SMG1: variants seen among roughly 807,000 people sequenced by gnomAD.
The protein encoded by SMG1 is SMG1 nonsense mediated mRNA decay associated PI3K related kinase, also known as serine/threonine-protein kinase SMG1.
SMG1 carries 22 observed loss-of-function variants against 419.9 expected under a neutral mutation model. The observed-to-expected ratio is 0.05, with a 90% CI of 0.04 to 0.07. The LOEUF is 0.07. SMG1 is among the 10% of genes least tolerant of loss of function. The pLI, the probability that SMG1 is intolerant of heterozygous loss-of-function variation, is 1.00. For missense variants in SMG1, 3,185 were observed against 4,342.0 expected, an observed-to-expected ratio of 0.73 and a Z score of 7.49; for synonymous variants, 1,538 against 1,553.5, an observed-to-expected ratio of 0.99 and a Z score of 0.23.
At chr16:18,907,213 C>T (rs1261962415) in intron 1 of SMG1, among the ~76,000 whole-genome samples, 1 of 151,292 alleles carries the variant, frequency 6.6e-6, no homozygotes, top group Non-Finnish European at 1.5e-5. Flanking sequence ...ACCCAGGAGG[C>T]GGAGGTTGCA....
rs372553822 is a variant in SMG1, at chr16:18,838,000, T to C, written c.7413+14A>G. 2 of 1,612,448 alleles carry C rather than the reference T, an allele frequency of 1.2e-6. No individual in the cohort carries two copies. Among genetic ancestry groups the C allele is most frequent in the Middle Eastern group, 1.7e-4 (1 of 6,058 alleles). On this transcript the variant is annotated intron_variant, in intron 45 of 62. Coordinates refer to ENST00000446231, the MANE Select transcript of SMG1 (RefSeq NM_015092.5). ...AAAAAGAAGACAATGACTTATTCCG[T>C]CACTGGGCTTCACCTTAATCTCAGC...
intron 49 of SMG1, 123 bp from the exon 50 acceptor site, chr16:18,834,561 C>CA: frequency 1.1e-6 from 1 of 898,290 alleles, no homozygotes; most frequent in Non-Finnish European, 1.7e-6. Flanking sequence ...TAGATGACTT[C>CA]AGGCCAGGAG....
At chr16:18,895,968 G>C (rs2037105762) in intron 3 of SMG1, 84 bp downstream of exon 3, 1 of 1,188,906 alleles carries the variant, frequency 8.4e-7, no homozygotes, top group Admixed American at 1.8e-5. Flanking sequence ...CCTGTGCAAG[G>C]CGTTAGTAAG....
Position 18,847,454 on chromosome 16 carries a change from T to C in SMG1, c.5995A>G (p.Lys1999Glu). Residue 1999 changes from lysine to glutamate, a missense_variant and splice_region_variant, in exon 38 of 63, where the codon AAA (lysine) becomes GAA (glutamate). Lys to Glu is a moderately conservative substitution (Grantham distance 56). Coordinates refer to ENST00000446231, the MANE Select transcript of SMG1 (RefSeq NM_015092.5). ...KRVQNNNTLR[K>E]EEKIAIMREK... ...CAGGACAAGTGTATGGAAACATACT[T>C]GCGTAAGGTGTTGTTGTTCTGGACT... 6.2e-7 allele frequency: 1 copy of C among 1,613,980 alleles called. No individual in the cohort carries two copies. Among genetic ancestry groups the C allele is most frequent in the Non-Finnish European group, 8.5e-7 (1 of 1,179,834 alleles).
chr16:18,843,742 C>A (rs12931397), intron 39 of SMG1, among the ~76,000 whole-genome samples: 14,431 of 152,048 alleles, frequency 0.095, 741 homozygotes, highest in Middle Eastern at 0.17. Context: ...CAAAAACAGG[C>A]GGAAACTAAA....
At chr16:18,840,041 AT>A (rs1262110767) in intron 41 of SMG1, 95 bp from the exon 42 acceptor site, 3 of 977,476 alleles carry the variant, frequency 3.1e-6, no homozygotes, top group South Asian at 3.6e-5. Flanking sequence ...TTTAAAAATG[AT>A]TTTTCAGTAG....
intron 41 of SMG1, 109 bp from the exon 42 acceptor site, chr16:18,840,055 TTC>T: frequency 1.2e-6 from 1 of 826,888 alleles, no homozygotes; most frequent in Non-Finnish European, 1.9e-6. Context: ...TTCAGTAGCA[TTC>T]TCTCATTACT....
In SMG1 at chr16:18,842,458, T is replaced by C. The variant is rs2033978238; in HGVS notation, c.6220-4A>G. The C allele has an allele frequency of 1.2e-6, 2 of 1,610,890 alleles. No homozygotes were observed. The highest frequency in any genetic ancestry group is 1.7e-6 in the Non-Finnish European group (2 of 1,177,642). ...TCTGTTGCAAACTTAGCATTATCTA[T>C]ATTCATAAGATGGGAGAAACAAATT... is the stretch of plus-strand genomic sequence containing the variant. On this transcript the variant is annotated splice_region_variant and splice_polypyrimidine_tract_variant and intron_variant, in intron 39 of 62. Transcript: ENST00000446231.
At position 18,862,309 on chromosome 16, in the gene SMG1, A is replaced by C. The variant is rs534085020; in HGVS notation, c.3695+1341T>G. Among the ~76,000 whole-genome samples, 9 of 152,296 alleles carry C rather than the reference A, an allele frequency of 5.9e-5. No homozygotes were observed. In the South Asian group the frequency reaches 1.0e-3, roughly 18 times the overall value. On this transcript the variant is annotated intron_variant, in intron 25 of 62. Transcript: ENST00000446231. ...TCTTCTATTCTTTCACAAAAATGCT[A>C]AACTAGGATTCTGACCCAGGCCTGC... is the stretch of plus-strand genomic sequence containing the variant.
chr16:18,830,164 C>G (rs375153961), intron 52 of SMG1, 49 bp from the exon 53 acceptor site: 1 of 1,607,888 alleles, frequency 6.2e-7, no homozygotes, highest in Non-Finnish European at 8.5e-7. Flanking sequence ...CTTGACACAA[C>G]TGAACAACTA....
chr16:18,817,515 T>C (rs1433712588), intron 56 of SMG1, 45 bp from the exon 57 acceptor site: 1 of 1,446,380 alleles, frequency 6.9e-7, no homozygotes, highest in African/African-American at 1.4e-5. Context: ...GGGAGGAAGG[T>C]GGGAAAGGGA....
intron 60 of SMG1, among the ~76,000 whole-genome samples, chr16:18,813,929 G>C (rs1466686120): frequency 6.7e-6 from 1 of 150,088 alleles, no homozygotes; most frequent in South Asian, 2.1e-4. Context: ...TACTGGGGAG[G>C]TTGAGGCAGG....
chr16:18,858,683 T>G (rs1301856893), intron 28 of SMG1: 4 of 223,286 alleles, frequency 1.8e-5, no homozygotes, highest in Non-Finnish European at 3.5e-5. Flanking sequence ...TGGTTGAACT[T>G]TACCCCATTT....
At chr16:18,907,933 G>C (rs2037635610) in intron 1 of SMG1, among the ~76,000 whole-genome samples, 1 of 150,464 alleles carries the variant, frequency 6.6e-6, no homozygotes, top group African/African-American at 2.4e-5. Context: ...AGTCCTGGAA[G>C]TACCCTAGAA....
intron 51 of SMG1, among the ~76,000 whole-genome samples, chr16:18,831,305 G>C (rs914120931): frequency 1.3e-5 from 2 of 152,036 alleles, no homozygotes; most frequent in Non-Finnish European, 2.9e-5. Flanking sequence ...GCTGTAAGAT[G>C]GTATGAGATT....
At chr16:18,849,069 C>CAAAAAAAAAAAAA (rs58373081) in intron 36 of SMG1, 148 bp downstream of exon 36, 2 of 110,712 alleles carry the variant, frequency 1.8e-5, no homozygotes, top group African/African-American at 1.5e-4. Flanking sequence ...GACTCCATCT[C>CAAAAAAAAAAAAA]AAAAAAAAAA....
At position 18,901,826 on chromosome 16, in the gene SMG1, T is replaced by G. The variant is rs531653570; in HGVS notation, c.93-4870A>C. 4.0e-3 allele frequency among the ~76,000 whole-genome samples: 607 copies of G among 151,626 alleles called. 3 individuals carry two copies. The highest frequency in any genetic ancestry group is 0.017 in the Middle Eastern group (5 of 294). ...CTGTCTCTACTAAAAATACAAAAAT[T>G]AGCCAGGCATGGTGACGGGCACCTG... On this transcript the variant is annotated intron_variant, in intron 1 of 62. Transcript: ENST00000446231.
chr16:18,925,824 G>A (rs1304107892), intron 1 of SMG1, 126 bp downstream of exon 1: 2 of 681,064 alleles, frequency 2.9e-6, no homozygotes, highest in Non-Finnish European at 4.5e-6. Flanking sequence ...GGAGACCCAG[G>A]AAGCCGCGCC....
At position 18,849,384 on chromosome 16, in the gene SMG1, G is replaced by A. The variant is rs374829108; in HGVS notation, c.5462-6C>T. ...GAAAAGTTGCGGAATAATTCCTTCA[G>A]GACAAGAAGAGAGAAAGACACTTTA... On this transcript the variant is annotated splice_polypyrimidine_tract_variant and splice_region_variant and intron_variant, in intron 35 of 62. Transcript: ENST00000446231. The A allele has an allele frequency of 5.0e-6, 8 of 1,606,126 alleles. No individual in the cohort carries two copies. Among genetic ancestry groups the A allele is most frequent in the African/African-American group, 2.7e-5 (2 of 74,610 alleles).
Sources: gnomAD v4.1 joint callset for allele counts (sites outside exome capture counted in the v4.1 genomes callset) on GRCh38, gnomAD v4.1.1 for gene constraint, MANE v1.5 for transcripts, NCBI Gene and HGNC (gene_info 2026-07-23, HGNC 2026-07-21) for gene names.